TMPRSS15: variants seen among roughly 807,000 people sequenced by gnomAD.
The protein encoded by TMPRSS15 is transmembrane serine protease 15, also known as enteropeptidase.
TMPRSS15 carries 128 observed loss-of-function variants against 125.3 expected under a neutral mutation model. The observed-to-expected ratio is 1.02, with a 90% confidence interval of 0.89 to 1.18. TMPRSS15 has a LOEUF of 1.18. TMPRSS15 is among the 50% of genes most tolerant of loss of function. The pLI is 0.00. For synonymous variants in TMPRSS15, 446 were observed against 423.2 expected, an observed-to-expected ratio of 1.05 and a Z score of -0.66; for missense variants, 1,283 against 1,212.7, an observed-to-expected ratio of 1.06 and a Z score of -0.86.
At chr21:18,467,203 GA>G (rs1367253917) in intron 1 of TMPRSS15, among the ~76,000 whole-genome samples, 1 of 152,036 alleles carries the variant, frequency 6.6e-6, no homozygotes, top group Non-Finnish European at 1.5e-5. Context: ...AGTGGGAGCT[GA>G]ACAATAAGAA....
chr21:18,350,354 T>C (rs908095383), intron 10 of TMPRSS15, among the ~76,000 whole-genome samples: 1 of 152,210 alleles, frequency 6.6e-6, no homozygotes, highest in African/African-American at 2.4e-5. Flanking sequence ...AGGCCCACAC[T>C]GGTGACTCAT....
chr21:18,452,042 A>G (rs1480753969), intron 1 of TMPRSS15, among the ~76,000 whole-genome samples: 1 of 152,182 alleles, frequency 6.6e-6, no homozygotes, highest in Non-Finnish European at 1.5e-5. Flanking sequence ...CTCGAGATCA[A>G]TAGCTACATC....
At chr21:18,323,458 C>T (rs1027093109) in intron 16 of TMPRSS15, among the ~76,000 whole-genome samples, 5 of 152,090 alleles carry the variant, frequency 3.3e-5, no homozygotes, top group Admixed American at 1.3e-4. Flanking sequence ...ATCATGAGAA[C>T]AGCACAGGAA....
intron 1 of TMPRSS15, among the ~76,000 whole-genome samples, chr21:18,476,657 T>C (rs1978885131): frequency 6.6e-6 from 1 of 152,178 alleles, no homozygotes; most frequent in African/African-American, 2.4e-5. Context: ...GATTTCCATA[T>C]ACCCATGTCA....
chr21:18,397,883 A>C lies in TMPRSS15; in HGVS notation c.340T>G (p.Phe114Val). Residue 114 changes from phenylalanine (F) to valine (V), a missense_variant, in exon 3 of 25, where the codon TTT (phenylalanine) becomes GTT (valine). Phe to Val is a conservative substitution (Grantham distance 50, BLOSUM62 -1). Transcript: ENST00000284885. ...AAATTTTTGAGCTATACTCACTCAAATTGTAAAACTCTTGAGTTCTTATAT... is the reference window on the plus strand; with the variant it reads ...AAATTTTTGAGCTATACTCACTCAACTTGTAAAACTCTTGAGTTCTTATAT... Reference protein sequence around the residue: ...NEYKNSRVLQFENGSIIVVFD... With the variant: ...NEYKNSRVLQVENGSIIVVFD... 1 of 1,539,412 alleles carries C rather than the reference A, an allele frequency of 6.5e-7. No individual in the cohort carries two copies. The highest frequency in any genetic ancestry group is 2.3e-5 in the East Asian group (1 of 43,844).
At chr21:18,445,560 C>T (rs922377402) in intron 1 of TMPRSS15, among the ~76,000 whole-genome samples, 4 of 152,082 alleles carry the variant, frequency 2.6e-5, no homozygotes, top group African/African-American at 4.8e-5. Context: ...ATGAATATTG[C>T]TGCAAAATAC....
rs1353429125 is a variant in TMPRSS15, at chr21:18,312,804, G to T, written c.2165+141C>A. On this transcript the variant is annotated intron_variant, in intron 18 of 24. Coordinates refer to ENST00000284885, the MANE Select transcript of TMPRSS15 (RefSeq NM_002772.3). Reference sequence around the variant, plus strand: ...ATTACTTGAAAATGGGGTTAATCAAGATTTTTATTTTCTCCCTTTTGCTAA... The same window carrying T: ...ATTACTTGAAAATGGGGTTAATCAATATTTTTATTTTCTCCCTTTTGCTAA... 5.3e-6 allele frequency: 6 copies of T among 1,128,366 alleles called. No homozygotes were observed. The African/African-American group carries it at 6.3e-5, about 12-fold the overall frequency. The allele number at this position is 1,128,366 out of a possible 1,614,324, so 69.9% of individuals were successfully genotyped here.
At chr21:18,452,071 A>G (rs1569071769) in intron 1 of TMPRSS15, among the ~76,000 whole-genome samples, 1 of 152,178 alleles carries the variant, frequency 6.6e-6, no homozygotes, top group Admixed American at 6.5e-5. Context: ...TTGGAAATCA[A>G]TGCAGGACTG....
intron 1 of TMPRSS15, among the ~76,000 whole-genome samples, chr21:18,441,448 T>C (rs1233750474): frequency 1.3e-5 from 2 of 148,370 alleles, no homozygotes; most frequent in Non-Finnish European, 3.0e-5. Flanking sequence ...CTACTAAAAA[T>C]ACAGAAAATT....
chr21:18,436,557 A>G (rs1189059222), intron 1 of TMPRSS15, among the ~76,000 whole-genome samples: 1 of 151,666 alleles, frequency 6.6e-6, no homozygotes, highest in African/African-American at 2.4e-5. Context: ...TCTCAGCCCA[A>G]AATCTCCTTA....
At chr21:18,304,960 C>T (rs1430425396) in intron 18 of TMPRSS15, among the ~76,000 whole-genome samples, 2 of 151,922 alleles carry the variant, frequency 1.3e-5, no homozygotes, top group Non-Finnish European at 1.5e-5. Flanking sequence ...GAAGTAGGAG[C>T]GACAGACAAA....
At chr21:18,443,886 T>C (rs113787042) in intron 1 of TMPRSS15, among the ~76,000 whole-genome samples, 6 of 152,204 alleles carry the variant, frequency 3.9e-5, no homozygotes, top group Non-Finnish European at 2.9e-5. Context: ...CAGCTTCCTG[T>C]TGTGGCGGGA....
chr21:18,480,081 C>G (rs1211468717), intron 1 of TMPRSS15, among the ~76,000 whole-genome samples: 1 of 151,984 alleles, frequency 6.6e-6, no homozygotes, highest in African/African-American at 2.4e-5. Flanking sequence ...AGTTCATGTC[C>G]TTTGCAGGGA....
At chr21:18,288,942 C>A (rs1237616170) in intron 21 of TMPRSS15, among the ~76,000 whole-genome samples, 3 of 151,882 alleles carry the variant, frequency 2.0e-5, no homozygotes, top group Non-Finnish European at 1.5e-5. Flanking sequence ...CTCCCTAGAA[C>A]AATAAGACTA....
chr21:18,307,856 C>G (rs2146926614), intron 18 of TMPRSS15, among the ~76,000 whole-genome samples: 1 of 152,266 alleles, frequency 6.6e-6, no homozygotes, highest in East Asian at 1.9e-4. Flanking sequence ...AATAACTCAT[C>G]TTAACCCAAT....
At chr21:18,480,223 A>G (rs2123290924) in intron 1 of TMPRSS15, among the ~76,000 whole-genome samples, 1 of 152,024 alleles carries the variant, frequency 6.6e-6, no homozygotes, top group South Asian at 2.1e-4. Context: ...TATGATGGCC[A>G]GTCATCACAG....
At chr21:18,443,198 T>C (rs1220851850) in intron 1 of TMPRSS15, among the ~76,000 whole-genome samples, 1 of 152,044 alleles carries the variant, frequency 6.6e-6, no homozygotes, top group African/African-American at 2.4e-5. Context: ...AAATAAAAGA[T>C]GGCAGGATAG....
intron 8 of TMPRSS15, 96 bp from the exon 9 acceptor site, chr21:18,353,959 G>T: frequency 8.5e-7 from 1 of 1,182,664 alleles, no homozygotes; most frequent in Middle Eastern, 2.6e-4. Flanking sequence ...CAGTTTGTCA[G>T]TTGATCTATA....
intron 1 of TMPRSS15, among the ~76,000 whole-genome samples, chr21:18,480,140 A>G (rs1978955389): frequency 6.6e-6 from 1 of 152,076 alleles, no homozygotes. Context: ...ACACAGGAAC[A>G]GAAAACCAAA....
Sources: allele counts gnomAD v4.1 joint callset (sites outside exome capture counted in the v4.1 genomes callset), GRCh38; gene constraint gnomAD v4.1.1; transcripts MANE v1.5; gene names NCBI Gene and HGNC (gene_info 2026-07-23, HGNC 2026-07-21).